MITF: variants seen among roughly 807,000 people sequenced by gnomAD.
MITF encodes the protein melanocyte inducing transcription factor.
A neutral mutation model predicts 60.5 loss-of-function variants in MITF; 17 were observed. The observed-to-expected ratio is 0.28, with a 90% CI of 0.19 to 0.42. MITF has a LOEUF of 0.42. Ranked by LOEUF, MITF falls within the 10% of genes least tolerant of loss-of-function variation. The pLI, the probability that MITF is intolerant of heterozygous loss-of-function variation, is 1.00. For missense variants in MITF, 622 were observed against 683.5 expected (o/e 0.91, Z 1.00); for synonymous variants, 260 against 248.5 (o/e 1.05, Z -0.43).
At chr3:69,746,674 A>G (rs1703739500) in intron 1 of MITF, among the ~76,000 whole-genome samples, 1 of 152,360 alleles carries the variant, frequency 6.6e-6, no homozygotes, top group African/African-American at 2.4e-5. Flanking sequence ...TGCAGCCACC[A>G]CAAGCTTTTG....
At chr3:69,908,194 C>G (rs952565139) in intron 2 of MITF, among the ~76,000 whole-genome samples, 1 of 152,172 alleles carries the variant, frequency 6.6e-6, no homozygotes, top group African/African-American at 2.4e-5. Context: ...GGGTGTGATT[C>G]AGTTTTGTAC....
chr3:69,845,788 C>T (rs1232082232), intron 1 of MITF, among the ~76,000 whole-genome samples: 3 of 152,176 alleles, frequency 2.0e-5, no homozygotes, highest in Non-Finnish European at 4.4e-5. Flanking sequence ...CAAGCTGATC[C>T]TGCTGTCAAA....
chr3:69,839,751 TAA>T (rs547331743), intron 1 of MITF, among the ~76,000 whole-genome samples: 1 of 144,784 alleles, frequency 6.9e-6, no homozygotes, highest in African/African-American at 2.5e-5. Flanking sequence ...AACCGATATT[TAA>T]AAAAAAAAAA....
chr3:69,819,523 C>T (rs2063232917), intron 1 of MITF, among the ~76,000 whole-genome samples: 1 of 152,152 alleles, frequency 6.6e-6, no homozygotes, highest in Non-Finnish European at 1.5e-5. Flanking sequence ...GTGAACTTGT[C>T]CAGGAAGTTG....
intron 2 of MITF, among the ~76,000 whole-genome samples, chr3:69,899,026 A>C (rs141265476): frequency 8.5e-5 from 13 of 152,356 alleles, no homozygotes; most frequent in Admixed American, 5.9e-4. Context: ...ATGTATGAAC[A>C]CTAAAGGCTA....
At chr3:69,950,170 C>A (rs4132582) in intron 6 of MITF, among the ~76,000 whole-genome samples, 3 of 151,972 alleles carry the variant, frequency 2.0e-5, no homozygotes, top group African/African-American at 7.2e-5. Context: ...TAGCTCACGC[C>A]TGTAATCTCA....
chr3:69,833,479 C>T (rs1290700316), intron 1 of MITF, among the ~76,000 whole-genome samples: 1 of 151,988 alleles, frequency 6.6e-6, no homozygotes, highest in Non-Finnish European at 1.5e-5. Flanking sequence ...TCTATGTACA[C>T]TGTATGTGGT....
At chr3:69,878,525 G>A (rs985238905) in intron 1 of MITF, among the ~76,000 whole-genome samples, 1 of 152,116 alleles carries the variant, frequency 6.6e-6, no homozygotes, top group Non-Finnish European at 1.5e-5. Context: ...AGACCAGCTC[G>A]TCTTCTGCCC....
intron 1 of MITF, among the ~76,000 whole-genome samples, chr3:69,786,450 T>C (rs925831675): frequency 1.3e-5 from 2 of 152,184 alleles, no homozygotes; most frequent in Admixed American, 1.3e-4. Context: ...ATCAAATATC[T>C]AGAGTTCCTT....
At chr3:69,767,779 C>A (rs1324236825) in intron 1 of MITF, among the ~76,000 whole-genome samples, 2 of 151,950 alleles carry the variant, frequency 1.3e-5, no homozygotes, top group Non-Finnish European at 2.9e-5. Flanking sequence ...CTCTGGCTGC[C>A]AAATGAAGAA....
chr3:69,756,361 C>T (rs893231809), intron 1 of MITF, among the ~76,000 whole-genome samples: 21 of 152,132 alleles, frequency 1.4e-4, no homozygotes, highest in Non-Finnish European at 2.9e-5. Context: ...TCAACTCCCA[C>T]TTATGAGTGA....
chr3:69,955,182 G>A (rs2066365754), intron 7 of MITF, among the ~76,000 whole-genome samples: 1 of 152,100 alleles, frequency 6.6e-6, no homozygotes, highest in Admixed American at 6.5e-5. Flanking sequence ...TTCACCACTG[G>A]TGCCTACTCA....
chr3:69,930,962 G>A (rs11128154), intron 2 of MITF, among the ~76,000 whole-genome samples: 9,068 of 152,276 alleles, frequency 0.06, 657 homozygotes, highest in African/African-American at 0.17. Flanking sequence ...TATCTTCAGT[G>A]GTTGTTTCTG....
At chr3:69,837,919 G>A (rs541546163) in intron 1 of MITF, among the ~76,000 whole-genome samples, 116 of 152,294 alleles carry the variant, frequency 7.6e-4, no homozygotes, top group Non-Finnish European at 1.4e-3. Context: ...TTTTTGAAGT[G>A]TGTATGCATG....
At chr3:69,805,412 C>G (rs1221026226) in intron 1 of MITF, among the ~76,000 whole-genome samples, 1 of 152,066 alleles carries the variant, frequency 6.6e-6, no homozygotes, top group Non-Finnish European at 1.5e-5. Flanking sequence ...AGAATGAGGC[C>G]TTCCCTGACC....
intron 1 of MITF, among the ~76,000 whole-genome samples, chr3:69,864,991 ATTAT>A (rs879392366): frequency 3.3e-5 from 5 of 152,120 alleles, no homozygotes; most frequent in Non-Finnish European, 5.9e-5. Flanking sequence ...TATTTATGTG[ATTAT>A]TTAATATGTG....
intron 1 of MITF, among the ~76,000 whole-genome samples, chr3:69,775,823 G>A (rs1229845061): frequency 7.9e-5 from 12 of 152,160 alleles, no homozygotes; most frequent in Middle Eastern, 3.2e-3. Context: ...CCTACTGTGT[G>A]TAAAAAAGAA....
At chr3:69,760,954 AAG>A (rs1243509101) in intron 1 of MITF, among the ~76,000 whole-genome samples, 1 of 152,188 alleles carries the variant, frequency 6.6e-6, no homozygotes, top group Non-Finnish European at 1.5e-5. Flanking sequence ...GAAGGAGAAA[AAG>A]AATTGGTTTC....
chr3:69,897,088 G>A (rs560129222), intron 2 of MITF, among the ~76,000 whole-genome samples: 1 of 152,336 alleles, frequency 6.6e-6, no homozygotes, highest in Non-Finnish European at 1.5e-5. Flanking sequence ...GGGAACTGAA[G>A]CTAGATGGAT....
Sources: allele counts gnomAD v4.1 joint callset (sites outside exome capture counted in the v4.1 genomes callset), GRCh38; gene constraint gnomAD v4.1.1; transcripts MANE v1.5; gene names NCBI Gene and HGNC (gene_info 2026-07-23, HGNC 2026-07-21).